The following TNS3 variants were observed in gnomAD, a reference collection of about 807,000 sequenced individuals.
TNS3 encodes tensin-3.
In TNS3, 45 loss-of-function variants were observed where a neutral mutation model predicts 140.9. The ratio of observed to expected loss-of-function variants is 0.32; its 90% CI spans 0.25 to 0.41. TNS3 has a LOEUF of 0.41. Among genes scored for constraint, TNS3 ranks in the 10% least tolerant of loss-of-function variants. The probability of loss-of-function intolerance (pLI) is 1.00; values close to 1 mark genes in which losing one functional copy is unlikely to be tolerated. For synonymous variants in TNS3, 815 were observed against 788.4 expected, an observed-to-expected ratio of 1.03 and a Z score of -0.56; for missense variants, 1,716 against 1,906.7, an observed-to-expected ratio of 0.90 and a Z score of 1.86.
intron 30 of TNS3, 132 bp downstream of exon 30, chr7:47,280,032 C>T: frequency 3.6e-6 from 4 of 1,119,414 alleles, no homozygotes; most frequent in Admixed American, 2.3e-5. Context: ...TTACTTTTTT[C>T]TTTTTTAAAA....
intron 23 of TNS3, among the ~76,000 whole-genome samples, chr7:47,297,631 G>T (rs976408484): frequency 6.6e-6 from 1 of 152,092 alleles, no homozygotes; most frequent in South Asian, 2.1e-4. Context: ...AACAAGACCA[G>T]ATCCAAATAT....
intron 10 of TNS3, among the ~76,000 whole-genome samples, chr7:47,421,667 G>C (rs1236915407): frequency 6.6e-6 from 1 of 152,164 alleles, no homozygotes; most frequent in East Asian, 1.9e-4. Flanking sequence ...GTGGTCATGA[G>C]CACCAACAGG....
chr7:47,510,281 A>G (rs1798561749), intron 2 of TNS3, among the ~76,000 whole-genome samples: 1 of 152,190 alleles, frequency 6.6e-6, no homozygotes, highest in East Asian at 1.9e-4. Flanking sequence ...AAAACAGAAG[A>G]AGAACTTCGC....
chr7:47,400,342 C>G, intron 15 of TNS3, 51 bp downstream of exon 15: 1 of 1,509,136 alleles, frequency 6.6e-7, no homozygotes, highest in South Asian at 1.1e-5. Context: ...CCATCATGCA[C>G]CTTTCACCAG....
At chr7:47,372,715 G>A (rs1026015242) in intron 16 of TNS3, among the ~76,000 whole-genome samples, 2 of 152,154 alleles carry the variant, frequency 1.3e-5, no homozygotes, top group East Asian at 3.8e-4. Flanking sequence ...GACAGCCCAG[G>A]TGGCGTTCAA....
At chr7:47,450,302 C>G (rs1375708291) in intron 4 of TNS3, among the ~76,000 whole-genome samples, 2 of 152,172 alleles carry the variant, frequency 1.3e-5, no homozygotes, top group African/African-American at 4.8e-5. Flanking sequence ...CTGCTCCTTC[C>G]CAAGGTCATA....
Position 47,400,467 on chromosome 7 carries a change from A to T in TNS3, c.854-9T>A. ...GTCAGGAAAACGGTCATCTGAAAAA[A>T]ACAATGTATTTTAACACATTTGTGG... On this transcript the variant is annotated splice_polypyrimidine_tract_variant and intron_variant, in intron 14 of 30. Coordinates refer to ENST00000311160, the MANE Select transcript of TNS3 (RefSeq NM_022748.12). 6.2e-7 allele frequency: 1 copy of T among 1,613,880 alleles called. No individual in the cohort carries two copies. Among genetic ancestry groups the T allele is most frequent in the South Asian group, 1.1e-5 (1 of 91,078 alleles).
chr7:47,510,021 C>G (rs10226500), intron 2 of TNS3, among the ~76,000 whole-genome samples: 1,607 of 152,276 alleles, frequency 0.011, 18 homozygotes, highest in African/African-American at 0.036. Flanking sequence ...GAACTGCATG[C>G]GTATTGCCAA....
intron 20 of TNS3, among the ~76,000 whole-genome samples, chr7:47,308,199 G>T (rs1786871998): frequency 6.6e-6 from 1 of 152,136 alleles, no homozygotes; most frequent in Admixed American, 6.5e-5. Context: ...ACCATTTGTT[G>T]AGACTATCTA....
rs754896375 is a variant in TNS3 at position 47,369,354 on chromosome 7, C to G, written c.1292G>C (p.Gly431Ala). The part of the protein sequence containing the change: ...EKAELDQLLS[G>A]FGLEDPGSSL... ...GCTTCCAGGATCTTCCAGGCCAAAG[C>G]CACTGAGCAGCTGGTCCAACTCTGC... Residue 431 changes from glycine to alanine, a missense_variant, in exon 17 of 31, where the codon GGC becomes GCC. By Grantham distance (60) the Gly-to-Ala change is moderately conservative. Around this residue, in one of 3 missense-constraint regions of TNS3, gnomAD observed 1,163 missense variants for 1,182.1 expected, o/e 0.98. Coordinates refer to ENST00000311160, the MANE Select transcript of TNS3 (RefSeq NM_022748.12). 2.5e-6 allele frequency: 4 copies of G among 1,614,094 alleles called. No individual in the cohort carries two copies. In the Admixed American group the frequency reaches 6.7e-5, roughly 27 times the overall value.
At chr7:47,423,580 T>G (rs1400492735) in intron 10 of TNS3, among the ~76,000 whole-genome samples, 2 of 152,222 alleles carry the variant, frequency 1.3e-5, no homozygotes, top group African/African-American at 4.8e-5. Flanking sequence ...GCTACAAGAA[T>G]TGGCCAAGTG....
In TNS3 at chr7:47,276,893, A is replaced by ACTTT. The variant is rs1346338319; in HGVS notation, c.*1182_*1183insAAAG. On this transcript the variant is annotated 3_prime_UTR_variant, in exon 31 of 31. Transcript: ENST00000311160. ...CAAGGTGGCAAGGAGCAGCACAAAG[A>ACTTT]GGGCTGATAAATGCAGGCGAACTTC... 6.6e-6 allele frequency: 1 copy of ACTTT among 152,162 alleles called. No homozygotes were observed. Among genetic ancestry groups the ACTTT allele is most frequent in the African/African-American group, 2.4e-5 (1 of 41,422 alleles). 9.4% of individuals were successfully genotyped at this position (152,162 alleles called of 1,614,324 possible). A position where few individuals can be genotyped will look rare whatever the true frequency, so the allele number is the denominator to read the frequency against.
chr7:47,564,948 T>A (rs1800397779), intron 1 of TNS3, among the ~76,000 whole-genome samples: 1 of 152,102 alleles, frequency 6.6e-6, no homozygotes, highest in South Asian at 2.1e-4. Flanking sequence ...GAACTCCTCG[T>A]TGTAAGAAAA....
rs577885804 is a variant in TNS3, at chr7:47,461,140, G to A, written c.-75-19085C>T. ...GTGAGATGAGGGGACACAGGCAGGT[G>A]TAAACATAAGACAGTGAGCCCCGCA... On this transcript the variant is annotated intron_variant, in intron 4 of 30. Coordinates refer to ENST00000311160, the MANE Select transcript of TNS3 (RefSeq NM_022748.12). Among the ~76,000 whole-genome samples, 622 of 152,318 alleles carry A rather than the reference G, an allele frequency of 4.1e-3. 8 individuals are homozygous for A. The highest frequency in any genetic ancestry group is 0.014 in the African/African-American group (596 of 41,556).
intron 27 of TNS3, among the ~76,000 whole-genome samples, chr7:47,290,223 T>C (rs1196416089): frequency 2.0e-5 from 3 of 152,212 alleles, no homozygotes; most frequent in African/African-American, 7.2e-5. Flanking sequence ...CTTACTTCCT[T>C]CACAAAAATT....
chr7:47,337,976 G>C (rs1369887085), intron 20 of TNS3, among the ~76,000 whole-genome samples: 2 of 152,168 alleles, frequency 1.3e-5, no homozygotes, highest in African/African-American at 2.4e-5. Flanking sequence ...ACAGACTTCA[G>C]GTTTTGACTT....
intron 20 of TNS3, among the ~76,000 whole-genome samples, chr7:47,328,329 C>T (rs957190504): frequency 9.9e-5 from 15 of 152,232 alleles, no homozygotes; most frequent in African/African-American, 3.6e-4. Context: ...GCCTTGCTCA[C>T]TGCTGCGGTT....
At chr7:47,501,433 G>C (rs1306963437) in intron 3 of TNS3, among the ~76,000 whole-genome samples, 1 of 152,146 alleles carries the variant, frequency 6.6e-6, no homozygotes, top group African/African-American at 2.4e-5. Context: ...CTGAAGGTGG[G>C]GACGAGAGTC....
intron 20 of TNS3, among the ~76,000 whole-genome samples, chr7:47,315,015 T>C (rs1352435301): frequency 1.3e-5 from 2 of 152,218 alleles, no homozygotes; most frequent in Non-Finnish European, 2.9e-5. Context: ...CCCTCCCCTA[T>C]GAAGATGTGT....
Sources: allele counts gnomAD v4.1 joint callset (sites outside exome capture counted in the v4.1 genomes callset), GRCh38; gene constraint gnomAD v4.1.1; regional missense constraint gnomAD v4.1.1; transcripts MANE v1.5; gene names NCBI Gene and HGNC (gene_info 2026-07-23, HGNC 2026-07-21).